The following OR1J2 variants were observed in gnomAD, a reference collection of about 807,000 sequenced individuals.
OR1J2 encodes the protein olfactory receptor family 1 subfamily J member 2.
For missense variants in OR1J2, 304 were observed against 246.1 expected (o/e 1.24, Z -1.57); for synonymous variants, 142 against 99.7 (o/e 1.42, Z -2.52).
chr9:122,462,379 T>C, the OR1J2 span, among the ~76,000 whole-genome samples: 1 of 152,202 alleles, frequency 6.6e-6, no homozygotes, highest in African/African-American at 2.4e-5. Context: ...TCTGCCATTC[T>C]GTATCTTTTA....
chr9:122,567,153 T>G, the OR1J2 span: 1 of 156,656 alleles, frequency 6.4e-6, no homozygotes, highest in Non-Finnish European at 1.4e-5. Flanking sequence ...TCAATTTTTT[T>G]GCAAAAACAT....
the OR1J2 span, among the ~76,000 whole-genome samples, chr9:122,482,962 T>C: frequency 6.6e-6 from 1 of 152,138 alleles, no homozygotes; most frequent in Non-Finnish European, 1.5e-5. Flanking sequence ...AGGGTAAATA[T>C]TGTTAACAAC....
the OR1J2 span, among the ~76,000 whole-genome samples, chr9:122,456,880 C>T: frequency 6.6e-6 from 1 of 152,102 alleles, no homozygotes; most frequent in Non-Finnish European, 1.5e-5. Context: ...GATGTATAAC[C>T]AAAGGAATAT....
chr9:122,566,896 C>T, the OR1J2 span, among the ~76,000 whole-genome samples: 1 of 151,912 alleles, frequency 6.6e-6, no homozygotes, highest in African/African-American at 2.4e-5. Context: ...CCATGTTATC[C>T]CTTGTGGTTT....
At chr9:122,495,413 T>C in the OR1J2 span, among the ~76,000 whole-genome samples, 81 of 152,252 alleles carry the variant, frequency 5.3e-4, no homozygotes, top group Middle Eastern at 3.4e-3. Context: ...CTTAGACAGA[T>C]TGAGTTAATT....
the OR1J2 span, among the ~76,000 whole-genome samples, chr9:122,569,911 T>C: frequency 0.019 from 2,778 of 147,636 alleles, 68 homozygotes; most frequent in African/African-American, 0.065. Flanking sequence ...TTCCCACCAA[T>C]GAGTGAGAAT....
chr9:122,560,616 G>A, the OR1J2 span, among the ~76,000 whole-genome samples: 42 of 152,182 alleles, frequency 2.8e-4, no homozygotes, highest in East Asian at 3.9e-4. Flanking sequence ...GAAATTCTGC[G>A]TTGAAAATTC....
At position 122,511,434 on chromosome 9, in the gene OR1J2, C is replaced by T. The variant is rs140778148; in HGVS notation, c.633C>T (p.Phe211=). The T allele has an allele frequency of 2.0e-4, 158 of 775,942 alleles. No individual in the cohort carries two copies. The highest frequency in any genetic ancestry group is 2.0e-3 in the Middle Eastern group (9 of 4,422). The allele number at this position is 775,942 out of a possible 1,614,324, so 48.1% of individuals were successfully genotyped here. The change falls in exon 1 of 1, where the codon TTC becomes TTT. Residue 211 remains phenylalanine (F), a synonymous_variant. Coordinates refer to ENST00000335302, the MANE Select transcript of OR1J2 (RefSeq NM_054107.1). ...TVGVVVITLP[F]MCILVSYGYI... is the part of the protein sequence containing the mutation. ...GGGTGGTGGTCATTACCCTGCCATT[C>T]ATGTGTATCCTGGTATCATATGGCT...
chr9:122,557,499 CAACTA>C, the OR1J2 span, among the ~76,000 whole-genome samples: 1 of 151,920 alleles, frequency 6.6e-6, no homozygotes, highest in Non-Finnish European at 1.5e-5. Context: ...TTGATGTGAT[CAACTA>C]AATTAATTGA....
the OR1J2 span, chr9:122,477,897 G>A: frequency 7.1e-4 from 1,141 of 1,608,960 alleles, 3 homozygotes; most frequent in African/African-American, 7.9e-3. Context: ...GGAGGAACTC[G>A]GACACGCTGC....
the OR1J2 span, among the ~76,000 whole-genome samples, chr9:122,543,442 A>T: frequency 6.6e-6 from 1 of 152,118 alleles, no homozygotes; most frequent in African/African-American, 2.4e-5. Flanking sequence ...TGCTCAAGTG[A>T]TCTGCCTGTC....
the OR1J2 span, among the ~76,000 whole-genome samples, chr9:122,486,116 A>T: frequency 3.9e-5 from 6 of 152,090 alleles, no homozygotes; most frequent in Admixed American, 3.9e-4. Context: ...GCCCACTAGC[A>T]TGCCAGGCCA....
chr9:122,521,047 T>C, the OR1J2 span, among the ~76,000 whole-genome samples: 1 of 152,228 alleles, frequency 6.6e-6, no homozygotes, highest in Non-Finnish European at 1.5e-5. Context: ...TATACCAGGG[T>C]GGTGGCTGCG....
At chr9:122,560,936 C>G in the OR1J2 span, among the ~76,000 whole-genome samples, 6 of 152,126 alleles carry the variant, frequency 3.9e-5, no homozygotes, top group Non-Finnish European at 8.8e-5. Context: ...ATCTTGGTTC[C>G]ATTCTTCCCA....
At chr9:122,570,738 ATTTTATAATATTGCAAGATTTTATAG>A in the OR1J2 span, among the ~76,000 whole-genome samples, 1 of 152,208 alleles carries the variant, frequency 6.6e-6, no homozygotes, top group Non-Finnish European at 1.5e-5. Context: ...TCTCAGATTA[ATTTTATAATATTGCAAGATTTTATAG>A]AAGGAATATT....
the OR1J2 span, among the ~76,000 whole-genome samples, chr9:122,467,963 C>A: frequency 1.0e-3 from 158 of 152,214 alleles, 2 homozygotes; most frequent in Non-Finnish European, 2.4e-4. Flanking sequence ...TTCTTGCCTT[C>A]ACCTGGGAAG....
chr9:122,563,599 A>G, the OR1J2 span, among the ~76,000 whole-genome samples: 1 of 152,234 alleles, frequency 6.6e-6, no homozygotes, highest in African/African-American at 2.4e-5. Context: ...TCTGCTGCGC[A>G]GATGCAATTT....
downstream of OR1J2, among the ~76,000 whole-genome samples, chr9:122,515,701 A>G (rs1279524554): frequency 6.6e-6 from 1 of 152,178 alleles, no homozygotes; most frequent in Non-Finnish European, 1.5e-5. Flanking sequence ...TTCCCTTTAG[A>G]CAGCACAGCT....
the OR1J2 span, among the ~76,000 whole-genome samples, chr9:122,530,784 G>A: frequency 3.2e-4 from 48 of 152,242 alleles, no homozygotes; most frequent in Middle Eastern, 3.4e-3. Context: ...GTTCTCTGGC[G>A]GGCAGGAGTG....
Sources: gnomAD v4.1 joint callset for allele counts (sites outside exome capture counted in the v4.1 genomes callset) on GRCh38, gnomAD v4.1.1 for gene constraint, MANE v1.5 for transcripts, NCBI Gene and HGNC (gene_info 2026-07-23, HGNC 2026-07-21) for gene names.